The following DNER variants were observed in gnomAD, a reference collection of about 807,000 sequenced individuals.
The protein encoded by DNER is delta and Notch-like epidermal growth factor-related receptor.
DNER carries 33 observed loss-of-function variants against 78.2 expected under a neutral mutation model. That is an observed-to-expected ratio of 0.42 (90% CI 0.32 to 0.56). The LOEUF (loss-of-function observed/expected upper bound fraction) is 0.56. DNER is among the 20% of genes least tolerant of loss of function. The pLI is 0.11. For missense variants in DNER, 918 were observed against 975.3 expected (o/e 0.94, Z 0.78); for synonymous variants, 417 against 384.8 (o/e 1.08, Z -0.98).
chr2:229,359,045 A>C (rs1372110171), intron 12 of DNER, among the ~76,000 whole-genome samples: 1 of 152,202 alleles, frequency 6.6e-6, no homozygotes, highest in East Asian at 1.9e-4. Context: ...ATAGAACACC[A>C]GGGCAGTCTT....
At position 229,377,036 on chromosome 2, in the gene DNER, C is replaced by T. The variant is rs143476498; in HGVS notation, c.1856-9917G>A. ...CCCCAGGATGAGTTACTTTCCCTTT[C>T]CCTGGTTGTCTAGAGGTGGCTGTGC... On this transcript the variant is annotated intron_variant, in intron 11 of 12. Transcript: ENST00000341772. 3.5e-3 allele frequency among the ~76,000 whole-genome samples: 533 copies of T among 152,228 alleles called. 2 individuals carry two copies. The highest frequency in any genetic ancestry group is 0.012 in the African/African-American group (515 of 41,526).
At chr2:229,595,937 T>C (rs1697705270) in intron 1 of DNER, among the ~76,000 whole-genome samples, 1 of 152,362 alleles carries the variant, frequency 6.6e-6, no homozygotes, top group East Asian at 1.9e-4. Flanking sequence ...TGCAGGTTTG[T>C]TACCTGGGTA....
chr2:229,542,219 C>A (rs535707391), intron 5 of DNER, among the ~76,000 whole-genome samples: 3 of 152,040 alleles, frequency 2.0e-5, no homozygotes, highest in East Asian at 3.9e-4. Flanking sequence ...CCTTGATGAA[C>A]AAGTTCAGAG....
At chr2:229,518,472 T>C (rs1394008409) in intron 5 of DNER, among the ~76,000 whole-genome samples, 1 of 152,200 alleles carries the variant, frequency 6.6e-6, no homozygotes, top group East Asian at 1.9e-4. Flanking sequence ...TATAAAGAAG[T>C]GTAAATTGAT....
At chr2:229,386,402 T>C (rs541038374) in intron 11 of DNER, among the ~76,000 whole-genome samples, 31 of 152,230 alleles carry the variant, frequency 2.0e-4, no homozygotes, top group African/African-American at 6.3e-4. Flanking sequence ...ATTCAGGACA[T>C]AGGCATGGGC....
chr2:229,677,472 A>G lies in DNER; in HGVS notation c.276+36676T>C, dbSNP rs1172215764. On this transcript the variant is annotated intron_variant, in intron 1 of 12. Coordinates refer to ENST00000341772, the MANE Select transcript of DNER (RefSeq NM_139072.4). Reference sequence around the variant, plus strand: ...TGACTCTCATTTTATGCACGACACTAAAAACTCAGAAGTGAAAGAGGGAAG... The same window carrying G: ...TGACTCTCATTTTATGCACGACACTGAAAACTCAGAAGTGAAAGAGGGAAG... 3.9e-5 allele frequency among the ~76,000 whole-genome samples: 6 copies of G among 152,202 alleles called. No homozygotes were observed. In the East Asian group the frequency reaches 1.2e-3, roughly 29 times the overall value.
intron 1 of DNER, among the ~76,000 whole-genome samples, chr2:229,650,755 C>G (rs1332019050): frequency 6.6e-6 from 1 of 152,200 alleles, no homozygotes; most frequent in Non-Finnish European, 1.5e-5. Context: ...TGTGCATTGT[C>G]ATTTCCAAGC....
chr2:229,466,078 T>C (rs935775262), intron 7 of DNER, among the ~76,000 whole-genome samples: 12 of 152,166 alleles, frequency 7.9e-5, no homozygotes, highest in African/African-American at 2.9e-4. Context: ...TTGTCCTCCC[T>C]GGATCCATTC....
intron 8 of DNER, among the ~76,000 whole-genome samples, chr2:229,443,518 T>G (rs1022375401): frequency 6.6e-6 from 1 of 152,254 alleles, no homozygotes; most frequent in East Asian, 1.9e-4. Context: ...TACTCAGTGC[T>G]GACATTTTAT....
rs1381012845 is a variant in DNER, at chr2:229,418,249, G to T, written c.1487-19C>A. 3 of 1,613,446 alleles carry T rather than the reference G, an allele frequency of 1.9e-6. No individual in the cohort carries two copies. Among genetic ancestry groups the T allele is most frequent in the Non-Finnish European group, 2.5e-6 (3 of 1,179,922 alleles). On this transcript the variant is annotated intron_variant, in intron 8 of 12. Transcript: ENST00000341772. ...TGGTAACCTGAGGGACAGAGAGAAA[G>T]GCCCACTGTCAAATGCATCCCATTT... is the stretch of plus-strand genomic sequence containing the variant.
chr2:229,521,270 C>G (rs1696091847), intron 5 of DNER, among the ~76,000 whole-genome samples: 1 of 152,182 alleles, frequency 6.6e-6, no homozygotes, highest in Non-Finnish European at 1.5e-5. Context: ...TTATGTTGCC[C>G]TAAGCAGCCA....
chr2:229,384,382 C>T (rs930482116), intron 11 of DNER, among the ~76,000 whole-genome samples: 3 of 152,024 alleles, frequency 2.0e-5, no homozygotes, highest in Non-Finnish European at 2.9e-5. Context: ...AATTCAAAAG[C>T]TAGCAGAAGA....
chr2:229,627,933 T>C (rs1039651197), intron 1 of DNER, among the ~76,000 whole-genome samples: 14 of 152,188 alleles, frequency 9.2e-5, no homozygotes, highest in African/African-American at 2.7e-4. Context: ...CCACCACACA[T>C]CCTCTTCTGC....
chr2:229,466,963 A>AT (rs1337432510), intron 7 of DNER, among the ~76,000 whole-genome samples: 4 of 152,152 alleles, frequency 2.6e-5, no homozygotes, highest in African/African-American at 9.7e-5. Flanking sequence ...CTTTGAGCAC[A>AT]TTTGAGCATA....
intron 8 of DNER, 140 bp from the exon 9 acceptor site, chr2:229,418,370 T>C (rs1056570132): frequency 1.7e-5 from 20 of 1,204,820 alleles, no homozygotes; most frequent in Non-Finnish European, 2.2e-5. Flanking sequence ...CTAGATCTCT[T>C]GGGGTAAAGT....
intron 7 of DNER, among the ~76,000 whole-genome samples, chr2:229,471,430 A>G (rs528896065): frequency 1.2e-3 from 189 of 152,326 alleles, no homozygotes; most frequent in Non-Finnish European, 1.6e-3. Flanking sequence ...TTGGGCCAAC[A>G]TAAAGATTTA....
At chr2:229,655,837 A>G (rs1698902145) in intron 1 of DNER, among the ~76,000 whole-genome samples, 1 of 152,082 alleles carries the variant, frequency 6.6e-6, no homozygotes, top group Admixed American at 6.5e-5. Context: ...GGAAGAGAAG[A>G]GAAGGGGTGG....
At chr2:229,427,104 T>G (rs1430158348) in intron 8 of DNER, among the ~76,000 whole-genome samples, 1 of 152,254 alleles carries the variant, frequency 6.6e-6, no homozygotes, top group Non-Finnish European at 1.5e-5. Context: ...TTGAAAGGAC[T>G]AAAGACAGAG....
At chr2:229,485,462 G>C (rs1214092175) in intron 6 of DNER, among the ~76,000 whole-genome samples, 1 of 152,162 alleles carries the variant, frequency 6.6e-6, no homozygotes, top group Non-Finnish European at 1.5e-5. Context: ...TTGTATTTAA[G>C]TATAAAATAT....
Sources: allele counts gnomAD v4.1 joint callset (sites outside exome capture counted in the v4.1 genomes callset), GRCh38; gene constraint gnomAD v4.1.1; transcripts MANE v1.5; gene names NCBI Gene and HGNC (gene_info 2026-07-23, HGNC 2026-07-21).